The following DNAJC1 variants were observed in gnomAD, a reference collection of about 807,000 sequenced individuals.
DNAJC1 encodes the protein dnaJ homolog subfamily C member 1.
A neutral mutation model predicts 76.6 loss-of-function variants in DNAJC1; 58 were observed. That is an observed-to-expected ratio of 0.76 (90% CI 0.61 to 0.94). The LOEUF is 0.94. Among genes scored for constraint, DNAJC1 ranks in the 40% least tolerant of loss-of-function variants. DNAJC1 has a pLI of 0.00. For missense variants in DNAJC1, 689 were observed against 677.3 expected (o/e 1.02, Z -0.19); for synonymous variants, 258 against 267.9 (o/e 0.96, Z 0.36).
At chr10:21,897,053 T>C (rs139615919) in intron 7 of DNAJC1, among the ~76,000 whole-genome samples, 1 of 152,114 alleles carries the variant, frequency 6.6e-6, no homozygotes, top group African/African-American at 2.4e-5. Flanking sequence ...GATCTTGGAC[T>C]CCCCAGCATC....
At position 21,884,055 on chromosome 10, in the gene DNAJC1, T is replaced by G. The variant is rs141504353; in HGVS notation, c.821-1616A>C. On this transcript the variant is annotated intron_variant, in intron 7 of 11. Transcript: ENST00000376980. Reference sequence around the variant, plus strand: ...AATTTTGCAAAAAGAAATCTTAAAATCTACTTGTACTATTTAAAGGAAGGG... The same window carrying G: ...AATTTTGCAAAAAGAAATCTTAAAAGCTACTTGTACTATTTAAAGGAAGGG... Among the ~76,000 whole-genome samples the G allele has an allele frequency of 7.2e-5, 11 of 152,174 alleles. No individual in the cohort carries two copies. In the East Asian group the frequency reaches 1.9e-3, roughly 27 times the overall value.
chr10:21,930,348 T>C (rs1837201909), intron 1 of DNAJC1, among the ~76,000 whole-genome samples: 2 of 152,220 alleles, frequency 1.3e-5, no homozygotes. Flanking sequence ...AAAATGATAG[T>C]AAACTTGCTT....
chr10:21,905,398 C>A (rs993565494), intron 6 of DNAJC1, among the ~76,000 whole-genome samples: 1 of 152,008 alleles, frequency 6.6e-6, no homozygotes, highest in African/African-American at 2.4e-5. Flanking sequence ...CTCAGATAGT[C>A]TATAGGAATA....
chr10:21,779,579 C>G (rs1371760782), intron 9 of DNAJC1, among the ~76,000 whole-genome samples: 3 of 152,086 alleles, frequency 2.0e-5, no homozygotes, highest in African/African-American at 7.2e-5. Context: ...GACATCCACA[C>G]CAAAACCCCA....
At chr10:21,964,460 C>G (rs1837854910) in intron 1 of DNAJC1, among the ~76,000 whole-genome samples, 2 of 152,168 alleles carry the variant, frequency 1.3e-5, no homozygotes, top group African/African-American at 4.8e-5. Flanking sequence ...CATCTGCCAG[C>G]CTTGGTCTCC....
chr10:21,986,765 T>G (rs972466715), intron 1 of DNAJC1, among the ~76,000 whole-genome samples: 1 of 150,602 alleles, frequency 6.6e-6, no homozygotes, highest in Non-Finnish European at 1.5e-5. Flanking sequence ...AAATTTTTTG[T>G]TTTTTTTGTT....
intron 10 of DNAJC1, among the ~76,000 whole-genome samples, chr10:21,763,786 G>C (rs778617608): frequency 6.6e-6 from 1 of 151,944 alleles, no homozygotes; most frequent in Non-Finnish European, 1.5e-5. Context: ...CACTCAACTG[G>C]GTATCTTGTT....
intron 9 of DNAJC1, among the ~76,000 whole-genome samples, chr10:21,795,089 A>G (rs1439321003): frequency 2.0e-5 from 3 of 152,156 alleles, no homozygotes; most frequent in South Asian, 2.1e-4. Flanking sequence ...CCTATATATA[A>G]AGAACTCTTA....
intron 9 of DNAJC1, among the ~76,000 whole-genome samples, chr10:21,780,337 A>G (rs1345582103): frequency 2.6e-5 from 4 of 152,198 alleles, no homozygotes; most frequent in Admixed American, 6.5e-5. Context: ...GTTAAGGGCA[A>G]CCAGAGAGAA....
intron 8 of DNAJC1, among the ~76,000 whole-genome samples, chr10:21,820,426 G>A (rs943453118): frequency 7.2e-5 from 11 of 152,074 alleles, no homozygotes; most frequent in Admixed American, 3.3e-4. Flanking sequence ...TATCTCTCTT[G>A]GGTATACACC....
rs1266633730 is a variant in DNAJC1 at position 21,908,249 on chromosome 10, G to T, written c.730-3637C>A. On this transcript the variant is annotated intron_variant, in intron 6 of 11. Coordinates refer to ENST00000376980, the MANE Select transcript of DNAJC1 (RefSeq NM_022365.4). ...ATATATATAAAATATATATAATATA[G>T]AGAAAATATATATATATATTTTATA... Among the ~76,000 whole-genome samples the T allele has an allele frequency of 2.3e-4, 8 of 34,382 alleles. 1 individual carries two copies. Among genetic ancestry groups the T allele is most frequent in the South Asian group, 9.4e-4 (1 of 1,060 alleles). The allele number at this position is 34,382 out of a possible 152,430, so 22.6% of individuals were successfully genotyped here.
chr10:21,837,649 A>G (rs1265733007), intron 8 of DNAJC1, among the ~76,000 whole-genome samples: 41 of 135,202 alleles, frequency 3.0e-4, no homozygotes, highest in African/African-American at 8.2e-4. Context: ...CACCCTGTCT[A>G]GGAAGTGAGG....
intron 9 of DNAJC1, chr10:21,803,690 A>G (rs1834844213): frequency 9.1e-6 from 3 of 330,924 alleles, no homozygotes; most frequent in Non-Finnish European, 1.3e-5. Flanking sequence ...TGAAATGAAT[A>G]GTCCAGCCAT....
Position 21,912,590 on chromosome 10 carries a change from T to C in DNAJC1, c.729+6189A>G, listed in dbSNP as rs190087431. Among the ~76,000 whole-genome samples the C allele has an allele frequency of 2.4e-4, 36 of 152,270 alleles. No homozygotes were observed. In the East Asian group the frequency reaches 6.8e-3, roughly 29 times the overall value. On this transcript the variant is annotated intron_variant, in intron 6 of 11. Transcript: ENST00000376980. The stretch of plus-strand genomic sequence containing the variant: ...ACTTCTCCATCTATTTTCATTTGTT[T>C]ATGTATTTCCTGTGTCAGGTTTCTG...
chr10:21,929,201 C>A, intron 1 of DNAJC1, 60 bp from the exon 2 acceptor site: 1 of 1,216,826 alleles, frequency 8.2e-7, no homozygotes, highest in East Asian at 2.4e-5. Flanking sequence ...AAGAAATTCC[C>A]AGAACCTTGT....
chr10:21,952,775 A>G (rs938320454), intron 1 of DNAJC1, among the ~76,000 whole-genome samples: 5 of 152,014 alleles, frequency 3.3e-5, no homozygotes, highest in African/African-American at 7.2e-5. Context: ...TCAATCAATC[A>G]ATCGATAATA....
intron 1 of DNAJC1, among the ~76,000 whole-genome samples, chr10:21,996,576 C>T (rs887630284): frequency 6.6e-6 from 1 of 152,134 alleles, no homozygotes; most frequent in Non-Finnish European, 1.5e-5. Context: ...ATAGCAGAAG[C>T]CATTCCACTT....
chr10:21,881,962 G>A (rs1282621982), intron 8 of DNAJC1, among the ~76,000 whole-genome samples: 1 of 151,602 alleles, frequency 6.6e-6, no homozygotes, highest in Non-Finnish European at 1.5e-5. Flanking sequence ...AAACCATCCT[G>A]GCTAACACGG....
chr10:21,892,466 AG>A (rs1157665710), intron 7 of DNAJC1, among the ~76,000 whole-genome samples: 2 of 151,992 alleles, frequency 1.3e-5, no homozygotes, highest in Non-Finnish European at 2.9e-5. Context: ...AATGATAGAG[AG>A]AAATAATAGA....
Sources: allele counts gnomAD v4.1 joint callset (sites outside exome capture counted in the v4.1 genomes callset), GRCh38; gene constraint gnomAD v4.1.1; transcripts MANE v1.5; gene names NCBI Gene and HGNC (gene_info 2026-07-23, HGNC 2026-07-21).